The following FAT1 variants were observed in gnomAD, a reference collection of about 807,000 sequenced individuals.
FAT1 encodes the protein FAT atypical cadherin 1.
In FAT1, 171 loss-of-function variants were observed where a neutral mutation model predicts 329.8. That is an observed-to-expected ratio of 0.52 (90% CI 0.46 to 0.59). The LOEUF (loss-of-function observed/expected upper bound fraction) is 0.59, where lower values mean the gene tolerates loss of function less well. FAT1 is among the 20% of genes least tolerant of loss of function. FAT1 has a pLI of 0.00. For synonymous variants in FAT1, 2,233 were observed against 2,228.6 expected (o/e 1.00, Z -0.06); for missense variants, 5,672 against 5,774.4 (o/e 0.98, Z 0.57).
Position 186,603,825 on chromosome 4 carries a change from G to C in FAT1, c.10701C>G (p.Ile3567Met), listed in dbSNP as rs1184353259. Residue 3567 changes from isoleucine to methionine, a missense_variant, in exon 19 of 27, where the codon ATC (isoleucine) becomes ATG (methionine). Physicochemically the swap from Ile to Met is conservative, Grantham distance 10 (BLOSUM62 1). Coordinates refer to ENST00000441802, the MANE Select transcript of FAT1 (RefSeq NM_005245.4). ...CATACACGTCCTGGTCTGTGGCATGGATCTTCCCAATGACGCCACCTGAGT... is the reference window on the plus strand; with the variant it reads ...CATACACGTCCTGGTCTGTGGCATGCATCTTCCCAATGACGCCACCTGAGT... ...EEYSGGVIGK[I>M]HATDQDVYDT... 1 of 1,613,948 alleles carries C rather than the reference G, an allele frequency of 6.2e-7. No individual in the cohort carries two copies. Among genetic ancestry groups the C allele is most frequent in the Non-Finnish European group, 8.5e-7 (1 of 1,179,890 alleles).
chr4:186,643,436 G>T (rs1053143872), intron 3 of FAT1, among the ~76,000 whole-genome samples: 1 of 152,244 alleles, frequency 6.6e-6, no homozygotes, highest in South Asian at 2.1e-4. Flanking sequence ...CAAGGCTGCC[G>T]TAGTGCTTTT....
chr4:186,611,366 T>C lies in FAT1; in HGVS notation c.9853+20A>G, dbSNP rs1326815103. On this transcript the variant is annotated intron_variant, in intron 14 of 26. Transcript: ENST00000441802. Reference sequence around the variant, plus strand: ...TCTTGGTGGAATGAAGGGTTTCCTCTCAGATACATGGTAGGTTACCTGTTT... The same window carrying C: ...TCTTGGTGGAATGAAGGGTTTCCTCCCAGATACATGGTAGGTTACCTGTTT... 2.5e-6 allele frequency: 4 copies of C among 1,579,198 alleles called. No individual in the cohort carries two copies. The highest frequency in any genetic ancestry group is 3.4e-6 in the Non-Finnish European group (4 of 1,162,472).
At chr4:186,665,211 T>C (rs1018823847) in intron 2 of FAT1, among the ~76,000 whole-genome samples, 1 of 152,206 alleles carries the variant, frequency 6.6e-6, no homozygotes, top group Admixed American at 6.5e-5. Context: ...TCTAGAAACA[T>C]GGAAGAAACC....
In FAT1 at chr4:186,628,964, A is replaced by G. The variant is rs187183474; in HGVS notation, c.4324-201T>C. 1.4e-3 allele frequency among the ~76,000 whole-genome samples: 210 copies of G among 152,362 alleles called. 1 individual carries two copies. Among genetic ancestry groups the G allele is most frequent in the African/African-American group, 4.8e-3 (201 of 41,584 alleles). On this transcript the variant is annotated intron_variant, in intron 7 of 26. Coordinates refer to ENST00000441802, the MANE Select transcript of FAT1 (RefSeq NM_005245.4). ...TTACTTATCTAAATATGAGTAAGATAATGATGACCTTTCTGCATTCTTATA... is the reference window on the plus strand; with the variant it reads ...TTACTTATCTAAATATGAGTAAGATGATGATGACCTTTCTGCATTCTTATA...
chr4:186,708,120 C>T lies in FAT1; in HGVS notation c.1708G>A (p.Glu570Lys), dbSNP rs763865762. Residue 570 changes from glutamate to lysine, a missense_variant, in exon 2 of 27, where the codon GAG becomes AAG. Coordinates refer to ENST00000441802, the MANE Select transcript of FAT1 (RefSeq NM_005245.4). ...ATTGTCCCTTCACAATTTATTTTCTCAAACAAAGGTGTGTTGTCATTCAAG... is the reference window on the plus strand; with the variant it reads ...ATTGTCCCTTCACAATTTATTTTCTTAAACAAAGGTGTGTTGTCATTCAAG... ...NNLNDNTPLF[E>K]KINCEGTIPR... is the part of the protein sequence containing the mutation. The T allele has an allele frequency of 8.7e-6, 14 of 1,613,848 alleles. No individual in the cohort carries two copies. Among genetic ancestry groups the T allele is most frequent in the African/African-American group, 1.3e-5 (1 of 74,918 alleles).
intron 14 of FAT1, among the ~76,000 whole-genome samples, chr4:186,610,637 T>TTATATAATTTATATAAATATAAA (rs1739374772): frequency 3.6e-5 from 4 of 112,150 alleles, no homozygotes; most frequent in Non-Finnish European, 7.3e-5. Context: ...AATTATATAA[T>TTATATAATTTATATAAATATAAA]TTATATAATT....
chr4:186,685,899 T>G (rs1389873540), intron 2 of FAT1, among the ~76,000 whole-genome samples: 1 of 152,176 alleles, frequency 6.6e-6, no homozygotes, highest in Non-Finnish European at 1.5e-5. Flanking sequence ...TGAGAATCTG[T>G]ATAAGGAAAT....
intron 3 of FAT1, 120 bp from the exon 4 acceptor site, chr4:186,639,903 A>G: frequency 1.3e-6 from 1 of 797,076 alleles, no homozygotes; most frequent in Non-Finnish European, 2.1e-6. Flanking sequence ...GCACTTTGGG[A>G]GGCCCAGGGG....
intron 1 of FAT1, among the ~76,000 whole-genome samples, chr4:186,710,469 G>A (rs936446223): frequency 2.0e-5 from 3 of 151,996 alleles, no homozygotes; most frequent in African/African-American, 7.3e-5. Flanking sequence ...GTCTCATTTC[G>A]CTCTATGTAA....
intron 2 of FAT1, among the ~76,000 whole-genome samples, chr4:186,666,900 C>T (rs1399180431): frequency 6.6e-6 from 1 of 152,152 alleles, no homozygotes; most frequent in African/African-American, 2.4e-5. Context: ...GTGTGAATAC[C>T]ACAAATCTCA....
intron 6 of FAT1, 129 bp downstream of exon 6, chr4:186,635,896 G>C (rs996716414): frequency 1.2e-5 from 9 of 771,370 alleles, no homozygotes; most frequent in Middle Eastern, 3.8e-4. Flanking sequence ...ATAGTTGAAA[G>C]CAAATTCTCC....
At chr4:186,675,925 C>A (rs1742936697) in intron 2 of FAT1, among the ~76,000 whole-genome samples, 2 of 152,024 alleles carry the variant, frequency 1.3e-5, no homozygotes, top group South Asian at 4.2e-4. Flanking sequence ...TTGATTTACA[C>A]CTGTTTTAAT....
chr4:186,708,422 T>C lies in FAT1; in HGVS notation c.1406A>G (p.Lys469Arg). The change falls in exon 2 of 27, where the codon AAA (lysine) becomes AGA (arginine). Residue 469 changes from lysine (K) to arginine (R), a missense_variant. Physicochemically the swap from Lys to Arg is conservative, Grantham distance 26. Around this residue, in one of 2 missense-constraint regions of FAT1, gnomAD observed 3,966 missense variants for 3,915.2 expected, o/e 1.01. Coordinates refer to ENST00000441802, the MANE Select transcript of FAT1 (RefSeq NM_005245.4). Reference sequence around the variant, plus strand: ...GGGCACGTTCTCATCAAAAGCAGCTTTGTACGCTGTCTGGGTAAATTCAGG... The same window carrying C: ...GGGCACGTTCTCATCAAAAGCAGCTCTGTACGCTGTCTGGGTAAATTCAGG... ...NPPEFTQTAY[K>R]AAFDENVPIG... 4.3e-6 allele frequency: 7 copies of C among 1,614,020 alleles called. No homozygotes were observed. The highest frequency in any genetic ancestry group is 5.9e-6 in the Non-Finnish European group (7 of 1,179,892).
In FAT1 at chr4:186,618,903, C is replaced by G; in HGVS notation, c.7683G>C (p.Glu2561Asp). Residue 2561 changes from glutamate (E) to aspartate (D), a missense_variant, in exon 10 of 27, where the codon GAG (glutamate) becomes GAC (aspartate). By Grantham distance (45) the Glu-to-Asp change is conservative. Transcript: ENST00000441802. ...LEKLDRETPA[E>D]KVISVRLMAK... ...CCATTAAACGGACTGAGATCACTTT[C>G]TCCGCCGGGGTTTCTCGATCAAGTT... is the stretch of plus-strand genomic sequence containing the variant. 1.2e-6 allele frequency: 2 copies of G among 1,613,946 alleles called. No individual in the cohort carries two copies. Among genetic ancestry groups the G allele is most frequent in the Non-Finnish European group, 1.7e-6 (2 of 1,179,864 alleles).
At chr4:186,722,709 T>C (rs1745515894) in intron 1 of FAT1, among the ~76,000 whole-genome samples, 1 of 152,218 alleles carries the variant, frequency 6.6e-6, no homozygotes, top group Non-Finnish European at 1.5e-5. Context: ...TATCGAAACC[T>C]GTATCTGAAT....
In FAT1 at chr4:186,708,322, G is replaced by A. The variant is rs750488860; in HGVS notation, c.1506C>T (p.Ile502=). The change falls in exon 2 of 27, where the codon ATC becomes ATT. Residue 502 remains isoleucine (I), a synonymous_variant. Coordinates refer to ENST00000441802, the MANE Select transcript of FAT1 (RefSeq NM_005245.4). ...CAAACGGCACATGATTTAAATTTGC[G>A]ATACTGTATGTCACGTACCCGTTCT... is the stretch of plus-strand genomic sequence containing the variant. The part of the protein sequence containing the change: ...EGENGYVTYS[I]ANLNHVPFAI... 14 of 1,613,818 alleles carry A rather than the reference G, an allele frequency of 8.7e-6. No individual in the cohort carries two copies. Among genetic ancestry groups the A allele is most frequent in the Non-Finnish European group, 1.0e-5 (12 of 1,179,870 alleles).
At chr4:186,687,640 G>A (rs1743536367) in intron 2 of FAT1, among the ~76,000 whole-genome samples, 1 of 152,168 alleles carries the variant, frequency 6.6e-6, no homozygotes, top group Non-Finnish European at 1.5e-5. Flanking sequence ...TCTGGATGTG[G>A]GATGTCAACT....
At chr4:186,681,564 C>T (rs753388295) in intron 2 of FAT1, among the ~76,000 whole-genome samples, 21 of 152,216 alleles carry the variant, frequency 1.4e-4, no homozygotes, top group Middle Eastern at 3.4e-3. Flanking sequence ...GACAAGGGAC[C>T]GGCATTAGCA....
intron 2 of FAT1, among the ~76,000 whole-genome samples, chr4:186,675,746 A>G (rs1019747936): frequency 6.7e-6 from 1 of 149,196 alleles, no homozygotes; most frequent in Non-Finnish European, 1.5e-5. Flanking sequence ...TGTCTAAAAC[A>G]CACACACACC....
Sources: gnomAD v4.1 joint callset for allele counts (sites outside exome capture counted in the v4.1 genomes callset) on GRCh38, gnomAD v4.1.1 for gene constraint, gnomAD v4.1.1 regional missense constraint, MANE v1.5 for transcripts, NCBI Gene and HGNC (gene_info 2026-07-23, HGNC 2026-07-21) for gene names.